CCDC91: variants seen among roughly 807,000 people sequenced by gnomAD.
CCDC91 encodes the protein coiled-coil domain-containing protein 91.
Under a neutral mutation model 63.2 loss-of-function variants are expected in CCDC91, and 48 were observed. That is an observed-to-expected ratio of 0.76 (90% CI 0.60 to 0.97). The LOEUF is 0.97. Ranked by LOEUF, CCDC91 falls within the 50% of genes least tolerant of loss-of-function variation. The probability of loss-of-function intolerance (pLI) is 0.00; values close to 1 mark genes in which losing one functional copy is unlikely to be tolerated. For synonymous variants in CCDC91, 167 were observed against 165.8 expected (o/e 1.01, Z -0.06); for missense variants, 500 against 494.6 (o/e 1.01, Z -0.10).
At chr12:28,359,599 G>A (rs935160211) in intron 6 of CCDC91, among the ~76,000 whole-genome samples, 2 of 152,088 alleles carry the variant, frequency 1.3e-5, no homozygotes, top group South Asian at 2.1e-4. Context: ...AATATATGTT[G>A]TTAATTTCCA....
At chr12:28,477,813 C>T (rs1256095773) in intron 11 of CCDC91, among the ~76,000 whole-genome samples, 3 of 152,092 alleles carry the variant, frequency 2.0e-5, no homozygotes, top group Non-Finnish European at 1.5e-5. Context: ...CTCTTATACA[C>T]CAATAACAGA....
At chr12:28,336,037 T>C (rs140312327) in intron 6 of CCDC91, among the ~76,000 whole-genome samples, 14 of 149,224 alleles carry the variant, frequency 9.4e-5, no homozygotes, top group African/African-American at 3.5e-4. Flanking sequence ...TGGTTTATTA[T>C]CAGAGAGTAA....
At chr12:28,473,426 A>C (rs1218134151) in intron 11 of CCDC91, among the ~76,000 whole-genome samples, 1 of 152,216 alleles carries the variant, frequency 6.6e-6, no homozygotes, top group Non-Finnish European at 1.5e-5. Flanking sequence ...CTTCCTGATG[A>C]GTAACTATGA....
At chr12:28,520,256 T>C (rs185140208) in intron 12 of CCDC91, among the ~76,000 whole-genome samples, 15,724 of 152,096 alleles carry the variant, frequency 0.1, 2,122 homozygotes, top group African/African-American at 0.32. Context: ...TTTTAATGAT[T>C]GCCATTCTAA....
In CCDC91 at chr12:28,501,459, C is replaced by G. The variant is rs146428816; in HGVS notation, c.1215+17294C>G. Among the ~76,000 whole-genome samples the G allele has an allele frequency of 2.0e-4, 31 of 151,982 alleles. No homozygotes were observed. The East Asian group carries it at 5.5e-3, about 27-fold the overall frequency. ...CAAAGGCCTTTACTGCATCTATTGA[C>G]ATAATCATGTGGTTTTTGTCTTTGG... On this transcript the variant is annotated intron_variant, in intron 12 of 12. Transcript: ENST00000536442.
intron 12 of CCDC91, among the ~76,000 whole-genome samples, chr12:28,498,659 C>T (rs530056026): frequency 1.3e-5 from 2 of 151,810 alleles, no homozygotes; most frequent in South Asian, 4.1e-4. Context: ...TAGCTATCTT[C>T]TCTCCTACCA....
chr12:28,309,088 A>G (rs1433585424), intron 6 of CCDC91, among the ~76,000 whole-genome samples: 1 of 151,960 alleles, frequency 6.6e-6, no homozygotes, highest in Non-Finnish European at 1.5e-5. Flanking sequence ...TTGGAGGGGT[A>G]TGGTCCATGA....
intron 12 of CCDC91, among the ~76,000 whole-genome samples, chr12:28,487,148 T>G (rs1451866352): frequency 6.6e-6 from 1 of 151,924 alleles, no homozygotes; most frequent in Non-Finnish European, 1.5e-5. Context: ...CACAGAAGAT[T>G]AAAACTGATT....
intron 12 of CCDC91, among the ~76,000 whole-genome samples, chr12:28,502,201 G>A (rs1308604316): frequency 2.0e-5 from 3 of 151,508 alleles, no homozygotes; most frequent in Non-Finnish European, 4.4e-5. Context: ...TCAGCCCAAA[G>A]TCTCCTTAAG....
chr12:28,320,801 G>A (rs1265158342), intron 6 of CCDC91, among the ~76,000 whole-genome samples: 1 of 151,814 alleles, frequency 6.6e-6, no homozygotes, highest in Non-Finnish European at 1.5e-5. Flanking sequence ...TTTGGTAAGG[G>A]TTTAGGTGGC....
intron 8 of CCDC91, among the ~76,000 whole-genome samples, chr12:28,402,193 C>G (rs1000378598): frequency 6.6e-6 from 1 of 152,174 alleles, no homozygotes; most frequent in Non-Finnish European, 1.5e-5. Flanking sequence ...CCATGGCACA[C>G]GCTCAGTTGT....
At chr12:28,369,455 G>A (rs765916675) in intron 7 of CCDC91, among the ~76,000 whole-genome samples, 9 of 152,164 alleles carry the variant, frequency 5.9e-5, no homozygotes, top group Non-Finnish European at 7.4e-5. Flanking sequence ...GAGGCTCTGC[G>A]GGGTGCAGCC....
chr12:28,411,085 G>A (rs1049284962), intron 8 of CCDC91, among the ~76,000 whole-genome samples: 4 of 152,054 alleles, frequency 2.6e-5, no homozygotes, highest in African/African-American at 7.2e-5. Context: ...CTACTGTGTG[G>A]TAATGCATAA....
intron 1 of CCDC91, among the ~76,000 whole-genome samples, chr12:28,222,468 A>T (rs1944011651): frequency 6.6e-6 from 1 of 152,096 alleles, no homozygotes; most frequent in South Asian, 2.1e-4. Context: ...TACACTAGGG[A>T]TATGTACTAT....
chr12:28,304,123 A>C (rs1276927660), intron 3 of CCDC91, among the ~76,000 whole-genome samples: 1 of 151,950 alleles, frequency 6.6e-6, no homozygotes, highest in African/African-American at 2.4e-5. Context: ...TCACACCTGT[A>C]ATCCTAGCAC....
rs538984628 is a variant in CCDC91 at position 28,259,719 on chromosome 12, G to A, written c.109+277G>A. Among the ~76,000 whole-genome samples, 3 of 151,898 alleles carry A rather than the reference G, an allele frequency of 2.0e-5. No homozygotes were observed. The East Asian group carries it at 5.8e-4, about 29-fold the overall frequency. On this transcript the variant is annotated intron_variant, in intron 3 of 12. Transcript: ENST00000536442. The stretch of plus-strand genomic sequence containing the variant: ...CATTTTTAAATTTATCTTAGTTTTT[G>A]GAAGGTGAGGTGCCCAATAACTTTT...
intron 7 of CCDC91, among the ~76,000 whole-genome samples, chr12:28,375,479 C>T (rs1238440427): frequency 2.6e-5 from 4 of 151,852 alleles, no homozygotes; most frequent in South Asian, 2.1e-4. Context: ...AGCATTCTTT[C>T]GTTAACTTTG....
At chr12:28,415,578 A>G (rs572155754) in intron 8 of CCDC91, among the ~76,000 whole-genome samples, 13 of 152,176 alleles carry the variant, frequency 8.5e-5, no homozygotes, top group African/African-American at 3.1e-4. Context: ...GGATATATCC[A>G]TGAAAAAAAT....
intron 3 of CCDC91, among the ~76,000 whole-genome samples, chr12:28,270,282 C>CTG (rs1336177228): frequency 6.6e-6 from 1 of 151,966 alleles, no homozygotes; most frequent in Non-Finnish European, 1.5e-5. Context: ...TACTTTAGAA[C>CTG]TGTGAATCAA....
Sources: gnomAD v4.1 joint callset for allele counts (sites outside exome capture counted in the v4.1 genomes callset) on GRCh38, gnomAD v4.1.1 for gene constraint, MANE v1.5 for transcripts, NCBI Gene and HGNC (gene_info 2026-07-23, HGNC 2026-07-21) for gene names.